LGR6: variants seen among roughly 807,000 people sequenced by gnomAD.
LGR6 encodes leucine rich repeat containing G protein-coupled receptor 6, also known as leucine-rich repeat-containing G protein-coupled receptor 6.
A neutral mutation model predicts 69.4 loss-of-function variants in LGR6; 45 were observed. The ratio of observed to expected loss-of-function variants is 0.65; its 90% CI spans 0.51 to 0.83. LGR6 has a LOEUF of 0.83. Among genes scored for constraint, LGR6 ranks in the 40% least tolerant of loss-of-function variants. The pLI is 0.00. For synonymous variants in LGR6, 538 were observed against 555.0 expected (o/e 0.97, Z 0.43); for missense variants, 1,108 against 1,246.7 (o/e 0.89, Z 1.68).
In LGR6 at chr1:202,276,487, T is replaced by A. The variant is rs376700653; in HGVS notation, c.610T>A (p.Tyr204Asn). The change falls in exon 5 of 18, where the codon TAC (tyrosine) becomes AAC (asparagine). Residue 204 changes from tyrosine (Y) to asparagine (N), a missense_variant. Transcript: ENST00000367278. ...ALNRISHIPD[Y>N]AFQNLTSLVV... Reference sequence around the variant, plus strand: ...CAACCGCATCAGCCACATCCCCGACTACGCGTTCCAGAATCTCACCAGCCT... The same window carrying A: ...CAACCGCATCAGCCACATCCCCGACAACGCGTTCCAGAATCTCACCAGCCT... 15 of 1,614,134 alleles carry A rather than the reference T, an allele frequency of 9.3e-6. No homozygotes were observed. Among genetic ancestry groups the A allele is most frequent in the Non-Finnish European group, 1.3e-5 (15 of 1,180,012 alleles).
chr1:202,287,459 A>G (rs1338114771), intron 6 of LGR6, among the ~76,000 whole-genome samples: 3 of 152,008 alleles, frequency 2.0e-5, no homozygotes, highest in Non-Finnish European at 2.9e-5. Context: ...CTCTCCCTCC[A>G]TGTTCTCATC....
intron 1 of LGR6, among the ~76,000 whole-genome samples, chr1:202,212,281 G>A (rs1169346354): frequency 6.6e-6 from 1 of 152,164 alleles, no homozygotes; most frequent in African/African-American, 2.4e-5. Context: ...ACTGGCTTGG[G>A]CCAGTGATGG....
chr1:202,297,664 C>T, intron 7 of LGR6, 88 bp downstream of exon 7: 1 of 1,005,722 alleles, frequency 9.9e-7, no homozygotes, highest in Non-Finnish European at 1.5e-6. Flanking sequence ...GCTCTTACCT[C>T]CTCACCTCCC....
At chr1:202,254,338 G>C (rs932812600) in intron 4 of LGR6, among the ~76,000 whole-genome samples, 1 of 152,224 alleles carries the variant, frequency 6.6e-6, no homozygotes, top group Non-Finnish European at 1.5e-5. Context: ...GCTTTGTGCA[G>C]CTCAGGGAAA....
chr1:202,295,130 C>T (rs1330048209), intron 6 of LGR6, among the ~76,000 whole-genome samples: 2 of 152,018 alleles, frequency 1.3e-5, no homozygotes, highest in Non-Finnish European at 2.9e-5. Flanking sequence ...GAGTTTGAGA[C>T]CAGCCTGAGC....
chr1:202,285,651 A>C (rs1328640985), intron 6 of LGR6, among the ~76,000 whole-genome samples: 2 of 152,116 alleles, frequency 1.3e-5, no homozygotes, highest in Non-Finnish European at 2.9e-5. Context: ...ATGTGTCCTA[A>C]GGTGGCCGGG....
chr1:202,317,030 T>A (rs760653426), intron 17 of LGR6, among the ~76,000 whole-genome samples: 10 of 152,230 alleles, frequency 6.6e-5, no homozygotes, highest in Non-Finnish European at 1.3e-4. Context: ...CAATGTGGTC[T>A]GTACCCCTCT....
At chr1:202,205,463 A>AAC (rs1659162211) in intron 1 of LGR6, among the ~76,000 whole-genome samples, 1 of 9,106 alleles carries the variant, frequency 1.1e-4, no homozygotes, top group Non-Finnish European at 2.2e-4. Flanking sequence ...CACACCTCCA[A>AAC]ACACACACAC....
chr1:202,297,608 C>G (rs200605124), intron 7 of LGR6, 32 bp downstream of exon 7: 1 of 1,594,704 alleles, frequency 6.3e-7, no homozygotes, highest in African/African-American at 1.3e-5. Context: ...TGTGGGTGTC[C>G]TTCTGTCCCA....
At chr1:202,239,778 A>G (rs1203594779) in intron 4 of LGR6, among the ~76,000 whole-genome samples, 1 of 152,136 alleles carries the variant, frequency 6.6e-6, no homozygotes. Context: ...TCACTTACTC[A>G]CTTACTGCCT....
At chr1:202,247,359 T>G (rs1662802172) in intron 4 of LGR6, among the ~76,000 whole-genome samples, 1 of 152,208 alleles carries the variant, frequency 6.6e-6, no homozygotes, top group African/African-American at 2.4e-5. Flanking sequence ...TGGGAATCAC[T>G]GTTCTTTTGT....
intron 6 of LGR6, among the ~76,000 whole-genome samples, chr1:202,285,361 G>T (rs1222718174): frequency 6.6e-6 from 1 of 152,162 alleles, no homozygotes; most frequent in East Asian, 1.9e-4. Context: ...GTCCTCCCAG[G>T]GCTCAGGGTT....
chr1:202,252,683 C>A (rs1244970978), intron 4 of LGR6, among the ~76,000 whole-genome samples: 1 of 152,222 alleles, frequency 6.6e-6, no homozygotes, highest in Non-Finnish European at 1.5e-5. Context: ...GCCCAGAAAT[C>A]TGGTTTCGGA....
intron 1 of LGR6, among the ~76,000 whole-genome samples, chr1:202,208,407 GGA>G (rs1314756360): frequency 3.0e-5 from 4 of 135,092 alleles, no homozygotes; most frequent in East Asian, 2.1e-4. Flanking sequence ...GAAGGAGGGG[GGA>G]GAGAGAGAGA....
intron 1 of LGR6, among the ~76,000 whole-genome samples, chr1:202,211,273 A>G (rs12033508): frequency 0.32 from 48,238 of 152,194 alleles, 8,617 homozygotes; most frequent in Non-Finnish European, 0.41. Context: ...TCATTTAATG[A>G]CATAAAAACT....
rs1257249245 is a variant in LGR6, at chr1:202,303,271, A to C, written c.930-8A>C. 1 of 1,612,014 alleles carries C rather than the reference A, an allele frequency of 6.2e-7. No homozygotes were observed. The highest frequency in any genetic ancestry group is 1.3e-5 in the African/African-American group (1 of 74,980). ...CCACCCCTCAGAGCTCATTGTCTCT[A>C]TTTCCAGATCTCTGAATGGTGCCAT... On this transcript the variant is annotated splice_region_variant and splice_polypyrimidine_tract_variant and intron_variant, in intron 9 of 17. Transcript: ENST00000367278.
chr1:202,204,506 A>AAC (rs572817133), intron 1 of LGR6, among the ~76,000 whole-genome samples: 41,859 of 66,518 alleles, frequency 0.63, 14,121 homozygotes, highest in South Asian at 0.87. Context: ...CACACCTCCA[A>AAC]ACACACACAC....
At chr1:202,301,303 C>T in intron 9 of LGR6, 68 bp downstream of exon 9, 4 of 1,337,288 alleles carry the variant, frequency 3.0e-6, no homozygotes, top group Non-Finnish European at 4.3e-6. Context: ...TTGCTCTCTC[C>T]TGCCTATCGC....
At chr1:202,291,910 A>G (rs1393571745) in intron 6 of LGR6, among the ~76,000 whole-genome samples, 1 of 152,256 alleles carries the variant, frequency 6.6e-6, no homozygotes, top group Non-Finnish European at 1.5e-5. Flanking sequence ...CGAAAATCCC[A>G]GAAAAGTTCC....
Sources: gnomAD v4.1 joint callset for allele counts (sites outside exome capture counted in the v4.1 genomes callset) on GRCh38, gnomAD v4.1.1 for gene constraint, MANE v1.5 for transcripts, NCBI Gene and HGNC (gene_info 2026-07-23, HGNC 2026-07-21) for gene names.